Variants in ZNF573 observed in about 807,000 individuals in gnomAD.
ZNF573 encodes the protein zinc finger protein 573.
ZNF573 carries 41 observed loss-of-function variants against 57.4 expected under a neutral mutation model. The observed-to-expected ratio is 0.71, with a 90% CI of 0.56 to 0.93. ZNF573 has a LOEUF of 0.93. Among genes scored for constraint, ZNF573 ranks in the 40% least tolerant of loss-of-function variants. The pLI is 0.00. For missense variants in ZNF573, 730 were observed against 794.8 expected (o/e 0.92, Z 0.98); for synonymous variants, 249 against 261.0 (o/e 0.95, Z 0.44).
chr19:37,738,416 T>A lies in ZNF573; in HGVS notation c.*76A>T, dbSNP rs749614011. The A allele has an allele frequency of 1.1e-4, 152 of 1,440,748 alleles. No homozygotes were observed. The highest frequency in any genetic ancestry group is 1.4e-4 in the Non-Finnish European group (148 of 1,091,980). 89.2% of individuals were successfully genotyped at this position (1,440,748 alleles called of 1,614,324 possible). A position where few individuals can be genotyped will look rare whatever the true frequency, so the allele number is the denominator to read the frequency against. On this transcript the variant is annotated 3_prime_UTR_variant, in exon 5 of 5. Transcript: ENST00000536220. ...CTCTCAATTGCTAAAGCCATACCTATAAGACTAACATTCCATCATTTCTCA... is the reference window on the plus strand; with the variant it reads ...CTCTCAATTGCTAAAGCCATACCTAAAAGACTAACATTCCATCATTTCTCA...
chr19:37,762,622 C>T (rs539302828), intron 4 of ZNF573, among the ~76,000 whole-genome samples: 3 of 152,082 alleles, frequency 2.0e-5, no homozygotes, highest in Admixed American at 6.5e-5. Flanking sequence ...AGTTGCACCT[C>T]GGACTGTGGA....
At position 37,739,997 on chromosome 19, in the gene ZNF573, T is replaced by C. The variant is rs778231888; in HGVS notation, c.493A>G (p.Lys165Glu). 6.2e-7 allele frequency: 1 copy of C among 1,614,202 alleles called. No individual in the cohort carries two copies. The highest frequency in any genetic ancestry group is 1.1e-5 in the South Asian group (1 of 91,082). The change falls in exon 5 of 5, where the codon AAA becomes GAA. Residue 165 changes from lysine (K) to glutamate (E), a missense_variant. Transcript: ENST00000536220. ...CTACGAAAGTTCTTCCCACACTCTT[T>C]GCATTCATAGGGTCTCTCAATGACA... ...FHVIERPYEC[K>E]ECGKNFRSGY...
intron 4 of ZNF573, among the ~76,000 whole-genome samples, chr19:37,762,923 C>T (rs1385261581): frequency 6.6e-6 from 1 of 152,060 alleles, no homozygotes; most frequent in Non-Finnish European, 1.5e-5. Flanking sequence ...AGGCATGCAC[C>T]ACCACACCCG....
chr19:37,751,048 G>A (rs2045429912), intron 4 of ZNF573, among the ~76,000 whole-genome samples: 1 of 150,284 alleles, frequency 6.7e-6, no homozygotes, highest in Non-Finnish European at 1.5e-5. Flanking sequence ...TATATATACT[G>A]TCTATAGTAG....
chr19:37,749,603 C>T (rs1033330004), intron 4 of ZNF573, among the ~76,000 whole-genome samples: 3 of 151,870 alleles, frequency 2.0e-5, no homozygotes, highest in Non-Finnish European at 1.5e-5. Context: ...AACAAATAAA[C>T]AAAAATAAGA....
At chr19:37,768,652 C>CTTATT (rs1350349453) in intron 4 of ZNF573, among the ~76,000 whole-genome samples, 1 of 151,956 alleles carries the variant, frequency 6.6e-6, no homozygotes, top group Non-Finnish European at 1.5e-5. Context: ...TGTTTGCCTG[C>CTTATT]TTATTTTATT....
intron 4 of ZNF573, among the ~76,000 whole-genome samples, chr19:37,747,595 G>A (rs2045393470): frequency 6.6e-6 from 1 of 152,174 alleles, no homozygotes; most frequent in African/African-American, 2.4e-5. Flanking sequence ...CATTTGGAGT[G>A]AAGAAACCTG....
chr19:37,753,407 A>G (rs1015934426), intron 4 of ZNF573, among the ~76,000 whole-genome samples: 4 of 152,132 alleles, frequency 2.6e-5, no homozygotes, highest in Non-Finnish European at 5.9e-5. Context: ...TAAAATATAC[A>G]ATTAAATTAT....
intron 4 of ZNF573, among the ~76,000 whole-genome samples, chr19:37,758,250 T>A (rs1599696091): frequency 6.8e-5 from 6 of 87,598 alleles, no homozygotes; most frequent in East Asian, 4.3e-4. Flanking sequence ...TATATATATA[T>A]ATATATATAT....
chr19:37,778,885 G>C (rs986423923), intron 1 of ZNF573, among the ~76,000 whole-genome samples: 4 of 152,156 alleles, frequency 2.6e-5, no homozygotes, highest in African/African-American at 9.7e-5. Context: ...GGTTCCTGGG[G>C]TCAGAGCTCT....
chr19:37,775,477 C>T (rs1219541493), intron 1 of ZNF573, among the ~76,000 whole-genome samples: 1 of 152,176 alleles, frequency 6.6e-6, no homozygotes, highest in African/African-American at 2.4e-5. Flanking sequence ...AGGCACATCA[C>T]CTGAATCTCT....
chr19:37,779,049 T>G lies in ZNF573; in HGVS notation c.-23+495A>C, dbSNP rs187987250. On this transcript the variant is annotated intron_variant, in intron 1 of 4. Coordinates refer to ENST00000536220, the MANE Select transcript of ZNF573 (RefSeq NM_001172690.2). ...CCAACTTCCCTCTTGCAGACATTTT[T>G]TGTGTGTGTCAGCCGCAAGCAGCTG... is the stretch of plus-strand genomic sequence containing the variant. Among the ~76,000 whole-genome samples, 485 of 152,242 alleles carry G rather than the reference T, an allele frequency of 3.2e-3. 6 individuals carry two copies. Among genetic ancestry groups the G allele is most frequent in the African/African-American group, 0.011 (445 of 41,524 alleles).
At chr19:37,766,703 G>C (rs1010384435) in intron 4 of ZNF573, among the ~76,000 whole-genome samples, 68 of 152,136 alleles carry the variant, frequency 4.5e-4, no homozygotes, top group Admixed American at 5.9e-4. Flanking sequence ...CTCTTCAGAG[G>C]TGGTGTTTTC....
chr19:37,767,233 CT>C lies in ZNF573; in HGVS notation c.295+2771del, dbSNP rs200995291. Among the ~76,000 whole-genome samples, 1,112 of 144,448 alleles carry C rather than the reference CT, an allele frequency of 7.7e-3. 29 individuals are homozygous for C. Among genetic ancestry groups the C allele is most frequent in the East Asian group, 0.054 (270 of 4,970 alleles). 94.8% of individuals were successfully genotyped at this position (144,448 alleles called of 152,430 possible). A position where few individuals can be genotyped will look rare whatever the true frequency, so the allele number is the denominator to read the frequency against. ...ATAAAAAACGGCATGAGATTCATTCCTTTTTTTTTTTTTGAGACGGAGTCTC... is the reference window on the plus strand; with the variant it reads ...ATAAAAAACGGCATGAGATTCATTCCTTTTTTTTTTTTGAGACGGAGTCTC... On this transcript the variant is annotated intron_variant, in intron 4 of 4. Transcript: ENST00000536220.
intron 4 of ZNF573, among the ~76,000 whole-genome samples, chr19:37,756,943 G>C: frequency 6.6e-6 from 1 of 151,860 alleles, no homozygotes; most frequent in Non-Finnish European, 1.5e-5. Flanking sequence ...AATGTATGGA[G>C]ATTAGAATAA....
rs184111909 is a variant in ZNF573, at chr19:37,764,384, G to A, written c.295+5621C>T. 7.1e-3 allele frequency among the ~76,000 whole-genome samples: 1,027 copies of A among 145,564 alleles called. 14 individuals are homozygous for A. The highest frequency in any genetic ancestry group is 0.025 in the African/African-American group (983 of 39,306). On this transcript the variant is annotated intron_variant, in intron 4 of 4. Coordinates refer to ENST00000536220, the MANE Select transcript of ZNF573 (RefSeq NM_001172690.2). ...TCACCAGGCTGGAGTGCAGTGGCCC[G>A]ATCTCGGCTCACTGCAACCTCCATC...
At chr19:37,774,241 G>A (rs1455361381) in intron 1 of ZNF573, among the ~76,000 whole-genome samples, 3 of 147,036 alleles carry the variant, frequency 2.0e-5, no homozygotes, top group Non-Finnish European at 4.5e-5. Context: ...AGGTTCAAGC[G>A]ATTCTCCTGT....
intron 1 of ZNF573, among the ~76,000 whole-genome samples, chr19:37,774,693 A>G (rs2045691791): frequency 6.6e-6 from 1 of 152,226 alleles, no homozygotes; most frequent in Non-Finnish European, 1.5e-5. Context: ...AGAATGTACA[A>G]TATCATTGGA....
rs865823573 is a variant in ZNF573, at chr19:37,739,354, A to G, written c.1136T>C (p.Ile379Thr). 6.2e-7 allele frequency: 1 copy of G among 1,613,972 alleles called. No individual in the cohort carries two copies. Among genetic ancestry groups the G allele is most frequent in the Non-Finnish European group, 8.5e-7 (1 of 1,180,006 alleles). The change falls in exon 5 of 5, where the codon ATT (isoleucine) becomes ACT (threonine). Residue 379 changes from isoleucine to threonine, a missense_variant. Ile to Thr is a moderately conservative substitution (Grantham distance 89). Transcript: ENST00000536220. The stretch of plus-strand genomic sequence containing the variant: ...TTCAAAAAGTTTCTCACCAGTATGA[A>G]TATTCTGATGCCGAGTAAGATTTCT... ...LYRNLTRHQNIHTGEKLFECK... is the reference protein window; with the variant it reads ...LYRNLTRHQNTHTGEKLFECK...
Sources: gnomAD v4.1 joint callset for allele counts (sites outside exome capture counted in the v4.1 genomes callset) on GRCh38, gnomAD v4.1.1 for gene constraint, MANE v1.5 for transcripts, NCBI Gene and HGNC (gene_info 2026-07-23, HGNC 2026-07-21) for gene names.